CEP112: variants seen among roughly 807,000 people sequenced by gnomAD.
CEP112 encodes centrosomal protein 112, also known as centrosomal protein of 112 kDa.
CEP112 carries 127 observed loss-of-function variants against 153.0 expected under a neutral mutation model. The observed-to-expected ratio is 0.83, with a 90% confidence interval of 0.72 to 0.96. The LOEUF is 0.96. CEP112 is among the 40% of genes least tolerant of loss of function. CEP112 has a pLI of 0.00. For missense variants in CEP112, 1,089 were observed against 1,101.2 expected, an observed-to-expected ratio of 0.99 and a Z score of 0.16; for synonymous variants, 358 against 374.4, an observed-to-expected ratio of 0.96 and a Z score of 0.51.
chr17:65,867,310 G>A (rs2058519737), intron 20 of CEP112, among the ~76,000 whole-genome samples: 2 of 152,178 alleles, frequency 1.3e-5, no homozygotes, highest in South Asian at 2.1e-4. Context: ...ATCCAGGCAG[G>A]TAATGCAAGC....
At chr17:65,835,627 A>G (rs1243636872) in intron 21 of CEP112, among the ~76,000 whole-genome samples, 1 of 152,200 alleles carries the variant, frequency 6.6e-6, no homozygotes, top group Non-Finnish European at 1.5e-5. Context: ...ACTATTCTTC[A>G]AAAATGAAGG....
intron 24 of CEP112, among the ~76,000 whole-genome samples, chr17:65,653,259 G>T (rs929738633): frequency 1.3e-5 from 2 of 152,194 alleles, no homozygotes; most frequent in Non-Finnish European, 2.9e-5. Flanking sequence ...TTGCTTTATT[G>T]TAAATGACTT....
intron 6 of CEP112, among the ~76,000 whole-genome samples, chr17:66,117,729 C>T (rs2069366344): frequency 6.6e-6 from 1 of 152,112 alleles, no homozygotes; most frequent in South Asian, 2.1e-4. Flanking sequence ...AGTGAAGAGA[C>T]AACCCACAAA....
At chr17:65,639,774 A>G (rs865786711) in intron 25 of CEP112, among the ~76,000 whole-genome samples, 2 of 150,504 alleles carry the variant, frequency 1.3e-5, no homozygotes, top group African/African-American at 4.9e-5. Context: ...ACATTCAAAC[A>G]TGTTAGAAGT....
At chr17:66,184,918 T>C (rs2072864627) in intron 1 of CEP112, among the ~76,000 whole-genome samples, 2 of 152,292 alleles carry the variant, frequency 1.3e-5, no homozygotes, top group African/African-American at 4.8e-5. Flanking sequence ...AGGAATGAAC[T>C]GCTGATACAC....
chr17:65,723,567 T>C (rs764741727), intron 23 of CEP112, among the ~76,000 whole-genome samples: 2 of 152,168 alleles, frequency 1.3e-5, no homozygotes, highest in African/African-American at 2.4e-5. Context: ...GAATTTGGAA[T>C]GAATCTGCTA....
chr17:65,688,169 T>C (rs960140704), intron 24 of CEP112: 1 of 152,234 alleles, frequency 6.6e-6, no homozygotes, highest in South Asian at 2.1e-4. Flanking sequence ...TTCTGGGTTA[T>C]ATTACATTAT....
intron 18 of CEP112, among the ~76,000 whole-genome samples, chr17:65,947,969 G>A (rs1387545288): frequency 6.6e-6 from 1 of 152,092 alleles, no homozygotes. Context: ...CATAATGAAT[G>A]GTTTGTATGA....
intron 20 of CEP112, among the ~76,000 whole-genome samples, chr17:65,857,570 T>C (rs2058167894): frequency 2.0e-5 from 3 of 152,148 alleles, no homozygotes; most frequent in Non-Finnish European, 4.4e-5. Flanking sequence ...ATTAATGGAG[T>C]AAATTATATT....
At chr17:65,920,519 A>G (rs894147469) in intron 19 of CEP112, among the ~76,000 whole-genome samples, 2 of 148,764 alleles carry the variant, frequency 1.3e-5, no homozygotes, top group Non-Finnish European at 3.0e-5. Flanking sequence ...TCCAGGGTAG[A>G]TCCTAATAAC....
chr17:66,048,634 G>C (rs2066314423), intron 12 of CEP112, among the ~76,000 whole-genome samples: 1 of 152,124 alleles, frequency 6.6e-6, no homozygotes, highest in Non-Finnish European at 1.5e-5. Context: ...TTTTGAGACA[G>C]AGTCTCGCTC....
chr17:65,881,118 G>A (rs1191104368), intron 20 of CEP112, among the ~76,000 whole-genome samples: 2 of 152,160 alleles, frequency 1.3e-5, no homozygotes, highest in Non-Finnish European at 2.9e-5. Flanking sequence ...GGGAGGCTGA[G>A]GCAGGAGAAT....
At chr17:66,116,649 T>C (rs2146417741) in intron 6 of CEP112, among the ~76,000 whole-genome samples, 1 of 152,324 alleles carries the variant, frequency 6.6e-6, no homozygotes, top group South Asian at 2.1e-4. Flanking sequence ...TGTTACTGTC[T>C]AGCTTTATTC....
chr17:66,016,478 A>G (rs1020430190), intron 16 of CEP112, among the ~76,000 whole-genome samples: 1 of 152,136 alleles, frequency 6.6e-6, no homozygotes, highest in African/African-American at 2.4e-5. Flanking sequence ...ACTAGGTTAC[A>G]CTGCTCTACT....
intron 18 of CEP112, among the ~76,000 whole-genome samples, chr17:65,935,780 A>T (rs1169135305): frequency 1.3e-5 from 2 of 152,200 alleles, no homozygotes; most frequent in East Asian, 1.9e-4. Context: ...AGGGAAATTA[A>T]TGGCATTTTT....
At chr17:65,730,475 A>G (rs2050438895) in intron 23 of CEP112, among the ~76,000 whole-genome samples, 1 of 152,180 alleles carries the variant, frequency 6.6e-6, no homozygotes, top group Admixed American at 6.5e-5. Flanking sequence ...CTTAGGTGGG[A>G]TGGAAAATAC....
At chr17:65,826,595 C>G (rs2056851008) in intron 21 of CEP112, 5 of 1,233,600 alleles carry the variant, frequency 4.1e-6, no homozygotes, top group East Asian at 4.6e-5. Context: ...TCTGGTCTCC[C>G]AGGGGCAGAA....
chr17:65,772,251 A>G (rs1013400651), intron 21 of CEP112, among the ~76,000 whole-genome samples: 2 of 152,164 alleles, frequency 1.3e-5, no homozygotes, highest in Non-Finnish European at 2.9e-5. Flanking sequence ...GAAAATAAAT[A>G]TAAGAGTTGA....
intron 17 of CEP112, among the ~76,000 whole-genome samples, chr17:65,969,994 C>A (rs917268467): frequency 4.6e-5 from 7 of 152,112 alleles, no homozygotes; most frequent in African/African-American, 1.7e-4. Context: ...ACGCATGTTA[C>A]ACACATATCA....
Sources: gnomAD v4.1 joint callset for allele counts (sites outside exome capture counted in the v4.1 genomes callset) on GRCh38, gnomAD v4.1.1 for gene constraint, MANE v1.5 for transcripts, NCBI Gene and HGNC (gene_info 2026-07-23, HGNC 2026-07-21) for gene names.